The following XXYLT1 variants were observed in gnomAD, a reference collection of about 807,000 sequenced individuals.
The protein encoded by XXYLT1 is UDP-xylose:alpha-xyloside alpha-1,3-xylosyltransferase.
XXYLT1 carries 20 observed loss-of-function variants against 28.9 expected under a neutral mutation model. That is an observed-to-expected ratio of 0.69 (90% CI 0.49 to 1.00). The LOEUF is 1.00. Among genes scored for constraint, XXYLT1 ranks in the 50% least tolerant of loss-of-function variants. The probability of loss-of-function intolerance (pLI) is 0.00; values close to 1 mark genes in which losing one functional copy is unlikely to be tolerated. For missense variants in XXYLT1, 542 were observed against 560.1 expected, an observed-to-expected ratio of 0.97 and a Z score of 0.33; for synonymous variants, 257 against 253.8, an observed-to-expected ratio of 1.01 and a Z score of -0.12.
In XXYLT1 at chr3:195,271,061, G is replaced by C; in HGVS notation, c.-3C>G. On this transcript the variant is annotated 5_prime_UTR_variant, in exon 1 of 4. Transcript: ENST00000310380. ...AGCCCGCCTCGGAGGAGGCCCATGC[G>C]CTACGAGACCGCGGCGCCAGCGGTG... 10 of 1,353,458 alleles carry C rather than the reference G, an allele frequency of 7.4e-6. No homozygotes were observed. Among genetic ancestry groups the C allele is most frequent in the Non-Finnish European group, 9.5e-6 (10 of 1,057,056 alleles). 83.8% of individuals were successfully genotyped at this position (1,353,458 alleles called of 1,614,324 possible).
At chr3:195,265,029 T>G (rs1424508682) in intron 1 of XXYLT1, among the ~76,000 whole-genome samples, 1 of 151,486 alleles carries the variant, frequency 6.6e-6, no homozygotes, top group Non-Finnish European at 1.5e-5. Context: ...TGTGCTCTAC[T>G]CTAGCCTGCG....
At chr3:195,227,854 G>A (rs538710981) in intron 1 of XXYLT1, among the ~76,000 whole-genome samples, 19 of 152,304 alleles carry the variant, frequency 1.2e-4, no homozygotes, top group Non-Finnish European at 1.5e-4. Flanking sequence ...GAGTACTAAC[G>A]CGATCCTGAG....
intron 3 of XXYLT1, among the ~76,000 whole-genome samples, chr3:195,103,906 A>G (rs1045606034): frequency 1.7e-4 from 26 of 152,232 alleles, no homozygotes; most frequent in African/African-American, 5.8e-4. Context: ...GAGAGTCCCT[A>G]TGCTCCTGCC....
rs1382232343 is a variant in XXYLT1, at chr3:195,143,849, TATATAGATATATATAG to T, written c.785+12584_785+12599del. Among the ~76,000 whole-genome samples, 4 of 72,580 alleles carry T rather than the reference TATATAGATATATATAG, an allele frequency of 5.5e-5. 1 individual carries two copies. The highest frequency in any genetic ancestry group is 8.5e-5 in the African/African-American group (2 of 23,586). The allele number at this position is 72,580 out of a possible 152,430, so 47.6% of individuals were successfully genotyped here. A position where few individuals can be genotyped will look rare whatever the true frequency, so the allele number is the denominator to read the frequency against. On this transcript the variant is annotated intron_variant, in intron 3 of 3. Coordinates refer to ENST00000310380, the MANE Select transcript of XXYLT1 (RefSeq NM_152531.5). ...ATATATAGATATAGATATAGATATA[TATATAGATATATATAG>T]ATATAGATATATATATATATATATT...
chr3:195,083,353 A>C (rs1715545456), intron 3 of XXYLT1, among the ~76,000 whole-genome samples: 1 of 152,168 alleles, frequency 6.6e-6, no homozygotes, highest in Non-Finnish European at 1.5e-5. Context: ...GACTCCTCCC[A>C]GGCTGGAGTC....
At chr3:195,107,658 G>A (rs1444080562) in intron 3 of XXYLT1, among the ~76,000 whole-genome samples, 2 of 51,710 alleles carry the variant, frequency 3.9e-5, no homozygotes, top group African/African-American at 1.8e-4. Context: ...GAGGAGGAGG[G>A]GGAGGAGGAA....
chr3:195,238,060 T>C (rs1048889471), intron 1 of XXYLT1, among the ~76,000 whole-genome samples: 7 of 152,164 alleles, frequency 4.6e-5, no homozygotes, highest in Admixed American at 1.3e-4. Flanking sequence ...CTTCAAGACC[T>C]CCGACGACTC....
intron 1 of XXYLT1, 77 bp from the exon 2 acceptor site, chr3:195,226,933 G>A: frequency 6.5e-7 from 1 of 1,539,034 alleles, no homozygotes; most frequent in Non-Finnish European, 8.8e-7. Context: ...AAGCACCTGG[G>A]CCCACAGAGG....
chr3:195,216,775 C>T (rs1292628572), intron 2 of XXYLT1, among the ~76,000 whole-genome samples: 29 of 145,666 alleles, frequency 2.0e-4, no homozygotes, highest in African/African-American at 7.2e-4. Context: ...CTATTCCAAT[C>T]AATAGAAAAA....
intron 2 of XXYLT1, among the ~76,000 whole-genome samples, chr3:195,163,930 A>G (rs1486600040): frequency 2.6e-5 from 4 of 152,266 alleles, no homozygotes; most frequent in African/African-American, 7.2e-5. Flanking sequence ...GCTTCCTGCA[A>G]TGAGGCAGAC....
In XXYLT1 at chr3:195,156,625, T is replaced by C. The variant is rs747528963; in HGVS notation, c.653-44A>G. The stretch of plus-strand genomic sequence containing the variant: ...GACAATGAGACACAGGTACACCTCC[T>C]GGGAGGCTCGGCCACGGACAGAAAA... On this transcript the variant is annotated intron_variant, in intron 2 of 3. Transcript: ENST00000310380. 3.7e-5 allele frequency: 60 copies of C among 1,604,048 alleles called. No homozygotes were observed. The East Asian group carries it at 6.3e-4, about 17-fold the overall frequency.
intron 3 of XXYLT1, among the ~76,000 whole-genome samples, chr3:195,114,418 C>G (rs1029746767): frequency 6.6e-6 from 1 of 152,188 alleles, no homozygotes; most frequent in South Asian, 2.1e-4. Flanking sequence ...TCATTTCACT[C>G]CATGTACTAA....
intron 3 of XXYLT1, chr3:195,121,986 C>T: frequency 1.4e-6 from 1 of 701,158 alleles, no homozygotes; most frequent in Non-Finnish European, 2.6e-6. Context: ...CAAAGTACCA[C>T]AGACTGGGTG....
At position 195,135,690 on chromosome 3, in the gene XXYLT1, C is replaced by A. The variant is rs77512919; in HGVS notation, c.785+20759G>T. Among the ~76,000 whole-genome samples, 23 of 152,204 alleles carry A rather than the reference C, an allele frequency of 1.5e-4. No homozygotes were observed. In the East Asian group the frequency reaches 4.4e-3, roughly 29 times the overall value. ...GTTCCTGTGACTGAAGGGGCAGACA[C>A]GGAAACTCAGACTGGAAGAGCTTTC... On this transcript the variant is annotated intron_variant, in intron 3 of 3. Coordinates refer to ENST00000310380, the MANE Select transcript of XXYLT1 (RefSeq NM_152531.5).
At chr3:195,219,108 T>A (rs1039563737) in intron 2 of XXYLT1, among the ~76,000 whole-genome samples, 1 of 147,822 alleles carries the variant, frequency 6.8e-6, no homozygotes, top group African/African-American at 2.5e-5. Flanking sequence ...AGGTGGGAAC[T>A]GAACAATGAG....
At chr3:195,161,697 C>T (rs967762723) in intron 2 of XXYLT1, among the ~76,000 whole-genome samples, 10 of 148,908 alleles carry the variant, frequency 6.7e-5, no homozygotes, top group Non-Finnish European at 8.9e-5. Context: ...GGCAATGGCG[C>T]GATCTTGGCT....
intron 2 of XXYLT1, among the ~76,000 whole-genome samples, chr3:195,167,163 A>T (rs962203742): frequency 6.6e-6 from 1 of 152,234 alleles, no homozygotes; most frequent in Non-Finnish European, 1.5e-5. Flanking sequence ...GATCACAGTC[A>T]AGCTACTATT....
intron 2 of XXYLT1, among the ~76,000 whole-genome samples, chr3:195,206,021 AT>A (rs777561871): frequency 0.057 from 7,100 of 125,422 alleles, 263 homozygotes; most frequent in African/African-American, 0.16. Context: ...TTAAAGTTTA[AT>A]TTTTTTTTTT....
At chr3:195,135,992 G>C (rs141876837) in intron 3 of XXYLT1, among the ~76,000 whole-genome samples, 1 of 152,150 alleles carries the variant, frequency 6.6e-6, no homozygotes, top group Non-Finnish European at 1.5e-5. Context: ...GCTGGATACA[G>C]TTTCCACTAA....
Sources: allele counts gnomAD v4.1 joint callset (sites outside exome capture counted in the v4.1 genomes callset), GRCh38; gene constraint gnomAD v4.1.1; transcripts MANE v1.5; gene names NCBI Gene and HGNC (gene_info 2026-07-23, HGNC 2026-07-21).